ADCY7: variants seen among roughly 807,000 people sequenced by gnomAD.
The protein encoded by ADCY7 is adenylate cyclase type 7.
A neutral mutation model predicts 120.6 loss-of-function variants in ADCY7; 72 were observed. That is an observed-to-expected ratio of 0.60 (90% CI 0.49 to 0.73). The LOEUF (loss-of-function observed/expected upper bound fraction) is 0.73, where lower values mean the gene tolerates loss of function less well. Among genes scored for constraint, ADCY7 ranks in the 30% least tolerant of loss-of-function variants. ADCY7 has a pLI of 0.00. For missense variants in ADCY7, 1,227 were observed against 1,486.0 expected, an observed-to-expected ratio of 0.83 and a Z score of 2.87; for synonymous variants, 661 against 628.0, an observed-to-expected ratio of 1.05 and a Z score of -0.78.
In ADCY7 at chr16:50,291,793, C is replaced by A; in HGVS notation, c.433C>A (p.Arg145=). The change falls in exon 4 of 26, where the codon CGG becomes AGG. Residue 145 remains arginine, a synonymous_variant. Coordinates refer to ENST00000673801, the MANE Select transcript of ADCY7 (RefSeq NM_001114.5). ...GTACACACTACTGCCCTTCAGCATGCGGGGCGCTGTCGCCGTTGGGGCCGT... is the reference window on the plus strand; with the variant it reads ...GTACACACTACTGCCCTTCAGCATGAGGGGCGCTGTCGCCGTTGGGGCCGT... ...VVYTLLPFSM[R]GAVAVGAVST... is the part of the protein sequence containing the mutation. 1.9e-6 allele frequency: 3 copies of A among 1,614,110 alleles called. No homozygotes were observed. Among genetic ancestry groups the A allele is most frequent in the Admixed American group, 1.7e-5 (1 of 60,018 alleles).
chr16:50,262,983 G>C (rs1329730190), upstream of ADCY7, among the ~76,000 whole-genome samples: 1 of 152,238 alleles, frequency 6.6e-6, no homozygotes, highest in Non-Finnish European at 1.5e-5. Flanking sequence ...CTTGTAATGG[G>C]GTTAGGGGTA....
intron 13 of ADCY7, 82 bp downstream of exon 13, chr16:50,305,668 C>A (rs2036014162): frequency 6.7e-7 from 1 of 1,503,490 alleles, no homozygotes; most frequent in Non-Finnish European, 9.2e-7. Context: ...CCATCTCATA[C>A]CCCATGCCTG....
At chr16:50,269,245 G>T (rs947289312) in intron 1 of ADCY7, among the ~76,000 whole-genome samples, 1 of 152,152 alleles carries the variant, frequency 6.6e-6, no homozygotes, top group Non-Finnish European at 1.5e-5. Flanking sequence ...CCAGCAGATC[G>T]GTCCTCAGGC....
chr16:50,263,212 G>A (rs1256289469), upstream of ADCY7, among the ~76,000 whole-genome samples: 1 of 152,162 alleles, frequency 6.6e-6, no homozygotes, highest in Non-Finnish European at 1.5e-5. Context: ...ATGAGGCTGT[G>A]TGTGTAAAGT....
rs1006477100 is a variant in ADCY7 at position 50,298,774 on chromosome 16, C to T, written c.949-130C>T. 1.2e-5 allele frequency: 16 copies of T among 1,347,906 alleles called. No homozygotes were observed. In the South Asian group the frequency reaches 2.2e-4, roughly 19 times the overall value. 83.5% of individuals were successfully genotyped at this position (1,347,906 alleles called of 1,614,324 possible). A position where few individuals can be genotyped will look rare whatever the true frequency, so the allele number is the denominator to read the frequency against. ...CAGGCCCAGAAGTGGCTCCTGGTGA[C>T]TGGACCCCAGGAGGCAAGCCCCCAG... On this transcript the variant is annotated intron_variant, in intron 7 of 25. Coordinates refer to ENST00000673801, the MANE Select transcript of ADCY7 (RefSeq NM_001114.5).
At chr16:50,266,459 G>A (rs1450690980), upstream of ADCY7, 3 of 156,288 alleles carry the variant, frequency 1.9e-5, no homozygotes, top group Non-Finnish European at 4.3e-5. Context: ...CACCCCGAGA[G>A]GCTGGGCTGT....
intron 1 of ADCY7, among the ~76,000 whole-genome samples, chr16:50,287,681 A>G (rs1207945205): frequency 4.9e-5 from 2 of 40,442 alleles, no homozygotes; most frequent in African/African-American, 1.5e-4. Context: ...CCCTGTCTTG[A>G]AAAAAAAAAA....
chr16:50,251,774 G>A (rs1396150778), intron 1 of ADCY7, among the ~76,000 whole-genome samples: 3 of 152,150 alleles, frequency 2.0e-5, no homozygotes, highest in Admixed American at 6.5e-5. Flanking sequence ...CATTGTCCCC[G>A]CCTGGCCTCC....
intron 7 of ADCY7, among the ~76,000 whole-genome samples, chr16:50,298,126 G>A (rs1441081951): frequency 2.0e-5 from 3 of 151,994 alleles, no homozygotes; most frequent in South Asian, 2.1e-4. Flanking sequence ...TTTCCTCTCT[G>A]CATTGATATC....
chr16:50,311,522 C>T (rs1355651753), intron 19 of ADCY7, among the ~76,000 whole-genome samples, 171 bp from the exon 20 acceptor site: 1 of 152,080 alleles, frequency 6.6e-6, no homozygotes, highest in Non-Finnish European at 1.5e-5. Flanking sequence ...ATCTCCCTGC[C>T]CACCTCTCCC....
rs1396851755 is a variant in ADCY7, at chr16:50,308,338, T to G, written c.1862T>G (p.Leu621Arg). The G allele has an allele frequency of 4.3e-6, 7 of 1,614,182 alleles. No homozygotes were observed. Among genetic ancestry groups the G allele is most frequent in the Admixed American group, 1.7e-5 (1 of 60,026 alleles). Residue 621 changes from leucine to arginine, a missense_variant, in exon 16 of 26, where the codon CTG (leucine) becomes CGG (arginine). Leu to Arg is a moderately radical substitution (Grantham distance 102, BLOSUM62 -2). This residue lies in a region of ADCY7 where 267 missense variants were observed against 270.0 expected (regional missense o/e 0.99). Coordinates refer to ENST00000673801, the MANE Select transcript of ADCY7 (RefSeq NM_001114.5). Reference sequence around the variant, plus strand: ...TCCCTCCTCTCCAGGACGGCGGCACTGGGTGTGTCCTTCGGGCTGGTGGCC... The same window carrying G: ...TCCCTCCTCTCCAGGACGGCGGCACGGGGTGTGTCCTTCGGGCTGGTGGCC... ...HVLLMPRTAA[L>R]GVSFGLVACV...
At chr16:50,293,261 G>A in intron 5 of ADCY7, 93 bp from the exon 6 acceptor site, 4 of 1,460,988 alleles carry the variant, frequency 2.7e-6, no homozygotes, top group South Asian at 1.2e-5. Flanking sequence ...AGGAGGCCAG[G>A]TCTGGGACCT....
Position 50,311,700 on chromosome 16 carries a change from C to A in ADCY7, c.2362C>A (p.Pro788Thr), listed in dbSNP as rs750862842. 6.2e-7 allele frequency: 1 copy of A among 1,613,454 alleles called. No individual in the cohort carries two copies. The highest frequency in any genetic ancestry group is 2.2e-5 in the East Asian group (1 of 44,858). Residue 788 changes from proline (P) to threonine (T), a missense_variant, in exon 20 of 26, where the codon CCT (proline) becomes ACT (threonine). Pro to Thr is a conservative substitution (Grantham distance 38). This residue lies in a region of ADCY7 where 267 missense variants were observed against 270.0 expected (regional missense o/e 0.99). Coordinates refer to ENST00000673801, the MANE Select transcript of ADCY7 (RefSeq NM_001114.5). ...TKPNGTTSGT[P>T]SCSWKDLKTM... ...GCCTCCCTTCGCATTCAGTGGCACC[C>A]CTAGCTGTTCCTGGAAGGACCTGAA...
rs905686139 is a variant in ADCY7 at position 50,305,826 on chromosome 16, C to T, written c.1729C>T (p.Leu577=). The change falls in exon 14 of 26, where the codon CTG becomes TTG. Residue 577 remains leucine (L), a synonymous_variant. Coordinates refer to ENST00000673801, the MANE Select transcript of ADCY7 (RefSeq NM_001114.5). ...CTTCTACACCTTTGGGTCCATCTTC[C>T]TGGAGAAGGGCTTTGAGCGCGAGGT... ...DDFYTFGSIF[L]EKGFEREYRL... 8 of 1,613,816 alleles carry T rather than the reference C, an allele frequency of 5.0e-6. No homozygotes were observed. In the African/African-American group the frequency reaches 1.1e-4, roughly 22 times the overall value.
At chr16:50,287,605 G>T (rs1364432857) in intron 1 of ADCY7, among the ~76,000 whole-genome samples, 1 of 151,582 alleles carries the variant, frequency 6.6e-6, no homozygotes, top group Non-Finnish European at 1.5e-5. Context: ...ACTTGAGCCC[G>T]GGAGTTTGAG....
At chr16:50,265,172 T>TAA (rs781420171), upstream of ADCY7, among the ~76,000 whole-genome samples, 2 of 152,202 alleles carry the variant, frequency 1.3e-5, no homozygotes, top group African/African-American at 2.4e-5. Context: ...AGGAGTCTTT[T>TAA]GTCAGTCATA....
At chr16:50,273,418 G>T (rs1156910569) in intron 1 of ADCY7, among the ~76,000 whole-genome samples, 1 of 152,078 alleles carries the variant, frequency 6.6e-6, no homozygotes, top group Non-Finnish European at 1.5e-5. Flanking sequence ...ATGACAATCT[G>T]CCCTCCTCCT....
chr16:50,261,572 GCCT>G (rs1188901724), upstream of ADCY7, among the ~76,000 whole-genome samples: 1 of 152,144 alleles, frequency 6.6e-6, no homozygotes, highest in African/African-American at 2.4e-5. Flanking sequence ...CGCCTGGCTG[GCCT>G]CCTCCCTGCT....
At chr16:50,245,860 G>T (rs971975993), upstream of ADCY7, among the ~76,000 whole-genome samples, 1 of 152,022 alleles carries the variant, frequency 6.6e-6, no homozygotes, top group Admixed American at 6.5e-5. Context: ...ACCTGGAGAA[G>T]GTCCTGCTGG....
Sources: gnomAD v4.1 joint callset for allele counts (sites outside exome capture counted in the v4.1 genomes callset) on GRCh38, gnomAD v4.1.1 for gene constraint, gnomAD v4.1.1 regional missense constraint, MANE v1.5 for transcripts, NCBI Gene and HGNC (gene_info 2026-07-23, HGNC 2026-07-21) for gene names.